Variants in USH1C observed in about 807,000 individuals in gnomAD.
The protein encoded by USH1C is harmonin.
USH1C carries 90 observed loss-of-function variants against 119.3 expected under a neutral mutation model. That is an observed-to-expected ratio of 0.75 (90% CI 0.64 to 0.90). USH1C has a LOEUF of 0.90. Ranked by LOEUF, USH1C falls within the 40% of genes least tolerant of loss-of-function variation. The pLI is 0.00. For synonymous variants in USH1C, 465 were observed against 443.3 expected, an observed-to-expected ratio of 1.05 and a Z score of -0.62; for missense variants, 1,165 against 1,167.7, an observed-to-expected ratio of 1.00 and a Z score of 0.03.
chr11:17,508,203 G>C (rs571738761), intron 18 of USH1C, among the ~76,000 whole-genome samples: 1 of 152,234 alleles, frequency 6.6e-6, no homozygotes, highest in African/African-American at 2.4e-5. Context: ...GGGCTCTGGG[G>C]AAAGATGTCC....
At position 17,511,915 on chromosome 11, in the gene USH1C, C is replaced by A; in HGVS notation, c.1400G>T (p.Arg467Leu). ...LEKEKQLKINRLAQEVSETER... is the reference protein window; with the variant it reads ...LEKEKQLKINLLAQEVSETER... The stretch of plus-strand genomic sequence containing the variant: ...CAGGACACATACCTCCTGGGCCAGC[C>A]GGTTGATCTTTAGCTGCTTTTCCTT... Residue 467 changes from arginine (R) to leucine (L), a missense_variant, in exon 16 of 27, where the codon CGG becomes CTG. Coordinates refer to ENST00000005226, the MANE Select transcript of USH1C (RefSeq NM_153676.4). 5 of 1,613,806 alleles carry A rather than the reference C, an allele frequency of 3.1e-6. No homozygotes were observed. Among genetic ancestry groups the A allele is most frequent in the Non-Finnish European group, 4.2e-6 (5 of 1,179,928 alleles).
At chr11:17,515,052 T>A (rs558596429) in intron 15 of USH1C, among the ~76,000 whole-genome samples, 2 of 121,884 alleles carry the variant, frequency 1.6e-5, no homozygotes, top group Non-Finnish European at 3.8e-5. Flanking sequence ...TATGTGTGCA[T>A]GTGTGTGTGT....
chr11:17,516,603 G>A (rs1850157579), intron 14 of USH1C: 3 of 418,880 alleles, frequency 7.2e-6, no homozygotes, highest in South Asian at 6.6e-5. Context: ...CTTGTGGAAG[G>A]ATGAGCTTTT....
intron 14 of USH1C, among the ~76,000 whole-genome samples, chr11:17,516,791 C>T (rs903315221): frequency 1.1e-4 from 16 of 152,188 alleles, no homozygotes; most frequent in Admixed American, 5.9e-4. Context: ...TCAAGTCCTC[C>T]GCTTTCAACA....
intron 16 of USH1C, 143 bp from the exon 17 acceptor site, chr11:17,510,664 G>C: frequency 1.4e-6 from 1 of 710,334 alleles, no homozygotes; most frequent in South Asian, 1.5e-5. Context: ...ACCTGGGCTT[G>C]TTCCAACTGG....
intron 12 of USH1C, 122 bp downstream of exon 12, chr11:17,522,662 G>T: frequency 6.9e-7 from 1 of 1,448,970 alleles, no homozygotes; most frequent in South Asian, 1.1e-5. Context: ...TCTGGTCTGA[G>T]GACTGGCCTC....
At chr11:17,523,398 G>T (rs374468973) in intron 10 of USH1C, 21 bp downstream of exon 10, 2 of 1,614,182 alleles carry the variant, frequency 1.2e-6, no homozygotes, top group Non-Finnish European at 1.7e-6. Context: ...GGGCCAACAG[G>T]TGAAGACCCC....
intron 14 of USH1C, chr11:17,516,636 A>G: frequency 2.7e-6 from 1 of 376,142 alleles, no homozygotes; most frequent in Non-Finnish European, 5.1e-6. Context: ...CTTCACATAC[A>G]AAGCCTTGTT....
intron 21 of USH1C, among the ~76,000 whole-genome samples, 198 bp downstream of exon 21, chr11:17,501,741 G>A (rs1849455742): frequency 6.6e-6 from 1 of 152,124 alleles, no homozygotes; most frequent in African/African-American, 2.4e-5. Flanking sequence ...ACGTGCATGT[G>A]CACCATACAG....
At chr11:17,500,018 G>C (rs1462424674) in intron 23 of USH1C, among the ~76,000 whole-genome samples, 1 of 152,372 alleles carries the variant, frequency 6.6e-6, no homozygotes, top group South Asian at 2.1e-4. Context: ...AAAGGACTCA[G>C]GAGCTTCCTT....
intron 25 of USH1C, 122 bp from the exon 26 acceptor site, chr11:17,495,799 G>A (rs1003536029): frequency 9.4e-7 from 1 of 1,060,674 alleles, no homozygotes; most frequent in Non-Finnish European, 1.4e-6. Context: ...CTGGGTTCCA[G>A]AATTAGGAGC....
rs1287021691 is a variant in USH1C, at chr11:17,533,254, C to T, written c.104+1G>A. ...ACAAGAGCTGGACCCAGCACACTTA[C>T]TGGTGGTACATTCGCAGCACATCAT... On this transcript the variant is annotated splice_donor_variant, in intron 2 of 26. Coordinates refer to ENST00000005226, the MANE Select transcript of USH1C (RefSeq NM_153676.4). LOFTEE classifies it high-confidence loss of function. 1.9e-6 allele frequency: 3 copies of T among 1,613,256 alleles called. No homozygotes were observed. The highest frequency in any genetic ancestry group is 1.3e-5 in the African/African-American group (1 of 74,920).
intron 25 of USH1C, 82 bp downstream of exon 25, chr11:17,496,676 G>T: frequency 6.4e-7 from 1 of 1,557,122 alleles, no homozygotes; most frequent in Admixed American, 1.7e-5. Flanking sequence ...CTGGGAGAAG[G>T]CTGGGGATGG....
chr11:17,494,259 T>G lies in USH1C; in HGVS notation c.*73A>C. The G allele has an allele frequency of 6.6e-7, 1 of 1,520,058 alleles. No individual in the cohort carries two copies. The highest frequency in any genetic ancestry group is 1.9e-5 in the Admixed American group (1 of 53,390). The allele number at this position is 1,520,058 out of a possible 1,614,324, so 94.2% of individuals were successfully genotyped here. A position where few individuals can be genotyped will look rare whatever the true frequency, so the allele number is the denominator to read the frequency against. ...CAGGTCCCAAGGATGCCATCTGGTG[T>G]GTGTAGTGTGGCCTCTCTCAAGGCT... On this transcript the variant is annotated 3_prime_UTR_variant, in exon 27 of 27. Transcript: ENST00000005226.
intron 4 of USH1C, among the ~76,000 whole-genome samples, chr11:17,529,141 C>A (rs1317386719): frequency 6.6e-6 from 1 of 152,214 alleles, no homozygotes; most frequent in African/African-American, 2.4e-5. Flanking sequence ...CCTGTCAGAG[C>A]CCTCAAGTCC....
At chr11:17,518,225 G>C (rs1850245902) in intron 14 of USH1C, among the ~76,000 whole-genome samples, 1 of 152,220 alleles carries the variant, frequency 6.6e-6, no homozygotes, top group Non-Finnish European at 1.5e-5. Flanking sequence ...CCCAACAGTG[G>C]AACCCTGATG....
intron 21 of USH1C, 122 bp downstream of exon 21, chr11:17,501,817 C>T (rs947044532): frequency 5.0e-5 from 60 of 1,188,672 alleles, no homozygotes; most frequent in Non-Finnish European, 6.6e-5. Flanking sequence ...CACTGGGGCT[C>T]CTCTGTGCCC....
At chr11:17,539,704 G>A (rs1005507579) in intron 1 of USH1C, among the ~76,000 whole-genome samples, 1 of 151,876 alleles carries the variant, frequency 6.6e-6, no homozygotes, top group Admixed American at 6.6e-5. Context: ...GGCTTTATTT[G>A]ACTCTCATTT....
intron 9 of USH1C, among the ~76,000 whole-genome samples, chr11:17,523,766 C>T (rs1178268916): frequency 6.6e-6 from 1 of 152,236 alleles, no homozygotes; most frequent in Non-Finnish European, 1.5e-5. Context: ...CTTTAAAAAT[C>T]ACAGTTTGCA....
Sources: allele counts gnomAD v4.1 joint callset (sites outside exome capture counted in the v4.1 genomes callset), GRCh38; gene constraint gnomAD v4.1.1; transcripts MANE v1.5; gene names NCBI Gene and HGNC (gene_info 2026-07-23, HGNC 2026-07-21).